The following NOS1AP variants were observed in gnomAD, a reference collection of about 807,000 sequenced individuals.
The protein encoded by NOS1AP is nitric oxide synthase 1 adaptor protein.
A neutral mutation model predicts 56.2 loss-of-function variants in NOS1AP; 21 were observed. The ratio of observed to expected loss-of-function variants is 0.37; its 90% confidence interval spans 0.26 to 0.54. NOS1AP has a LOEUF of 0.54. Ranked by LOEUF, NOS1AP falls within the 20% of genes least tolerant of loss-of-function variation. The probability of loss-of-function intolerance (pLI) is 0.84; values close to 1 mark genes in which losing one functional copy is unlikely to be tolerated. For synonymous variants in NOS1AP, 270 were observed against 274.6 expected (o/e 0.98, Z 0.17); for missense variants, 522 against 657.8 (o/e 0.79, Z 2.26).
chr1:162,285,612 A>G (rs1655064727), intron 2 of NOS1AP, among the ~76,000 whole-genome samples: 1 of 152,060 alleles, frequency 6.6e-6, no homozygotes, highest in Admixed American at 6.5e-5. Flanking sequence ...TGCAAAAAAA[A>G]AATCCTGTCA....
chr1:162,214,737 C>T (rs1237335900), intron 2 of NOS1AP, among the ~76,000 whole-genome samples: 2 of 152,050 alleles, frequency 1.3e-5, no homozygotes, highest in Non-Finnish European at 2.9e-5. Context: ...TGAATCACTT[C>T]ACAGAACTAC....
chr1:162,187,940 A>T (rs533052921), intron 2 of NOS1AP, among the ~76,000 whole-genome samples: 1 of 152,312 alleles, frequency 6.6e-6, no homozygotes, highest in East Asian at 1.9e-4. Flanking sequence ...CAGAAATAAG[A>T]GAGCATTTTG....
Position 162,336,662 on chromosome 1 carries a change from G to A in NOS1AP, c.453+3537G>A, listed in dbSNP as rs572312624. Among the ~76,000 whole-genome samples, 3 of 152,334 alleles carry A rather than the reference G, an allele frequency of 2.0e-5. No individual in the cohort carries two copies. The South Asian group carries it at 6.2e-4, about 32-fold the overall frequency. ...TGAATCAATGATGCCACTGAAATTA[G>A]AAACAGGCTTCCTCCTTCTCAGGCC... On this transcript the variant is annotated intron_variant, in intron 5 of 9. Coordinates refer to ENST00000361897, the MANE Select transcript of NOS1AP (RefSeq NM_014697.3).
chr1:162,356,870 T>C (rs1476935131), intron 7 of NOS1AP, 90 bp from the exon 8 acceptor site: 63 of 1,607,678 alleles, frequency 3.9e-5, no homozygotes, highest in Non-Finnish European at 5.1e-5. Flanking sequence ...GTGTGCCAAT[T>C]TGCTCCTCCT....
At chr1:162,165,304 A>G (rs553961978) in intron 2 of NOS1AP, among the ~76,000 whole-genome samples, 1 of 152,298 alleles carries the variant, frequency 6.6e-6, no homozygotes, top group South Asian at 2.1e-4. Flanking sequence ...CTGGGTAACA[A>G]GAGCGAAACT....
intron 2 of NOS1AP, among the ~76,000 whole-genome samples, chr1:162,281,062 C>T (rs927874747): frequency 6.6e-6 from 1 of 152,186 alleles, no homozygotes; most frequent in African/African-American, 2.4e-5. Context: ...ACCATCCCCC[C>T]AATCATTACT....
At chr1:162,139,537 G>A (rs1479480962) in intron 1 of NOS1AP, among the ~76,000 whole-genome samples, 1 of 152,184 alleles carries the variant, frequency 6.6e-6, no homozygotes, top group African/African-American at 2.4e-5. Context: ...TATGGAGGGA[G>A]TGTTGAAAAG....
rs1265594333 is a variant in NOS1AP, at chr1:162,369,318, A to T, written c.*1851A>T. On this transcript the variant is annotated 3_prime_UTR_variant, in exon 10 of 10. Transcript: ENST00000361897. ...TTACACAGAGAAGGAAGAACCAGGA[A>T]AGTGAGATCCATGAAACTAAATGAG... 4 of 152,220 alleles carry T rather than the reference A, an allele frequency of 2.6e-5. No individual in the cohort carries two copies. The highest frequency in any genetic ancestry group is 9.6e-5 in the African/African-American group (4 of 41,452). 9.4% of individuals were successfully genotyped at this position (152,220 alleles called of 1,614,324 possible).
At chr1:162,108,386 A>G (rs914643504) in intron 1 of NOS1AP, among the ~76,000 whole-genome samples, 1 of 152,168 alleles carries the variant, frequency 6.6e-6, no homozygotes, top group African/African-American at 2.4e-5. Flanking sequence ...TAAATACATG[A>G]GTTTGTAGTG....
At chr1:162,083,423 T>G (rs1033513492) in intron 1 of NOS1AP, among the ~76,000 whole-genome samples, 2 of 152,200 alleles carry the variant, frequency 1.3e-5, no homozygotes, top group Non-Finnish European at 2.9e-5. Context: ...TTTTTTTATT[T>G]GGAGACAGGG....
At chr1:162,229,559 A>G (rs1653051839) in intron 2 of NOS1AP, among the ~76,000 whole-genome samples, 1 of 151,558 alleles carries the variant, frequency 6.6e-6, no homozygotes, top group African/African-American at 2.4e-5. Flanking sequence ...TTTCTGTTTC[A>G]CCTGTTCCTG....
chr1:162,072,303 T>A (rs1691677357), intron 1 of NOS1AP, among the ~76,000 whole-genome samples: 1 of 152,156 alleles, frequency 6.6e-6, no homozygotes, highest in Non-Finnish European at 1.5e-5. Context: ...TCCAGTTGAT[T>A]TAATGCAGGT....
chr1:162,341,715 C>G (rs1394801042), intron 5 of NOS1AP, among the ~76,000 whole-genome samples: 1 of 152,156 alleles, frequency 6.6e-6, no homozygotes, highest in Non-Finnish European at 1.5e-5. Context: ...GCAGTCTGCT[C>G]TTACTCTCAT....
At chr1:162,332,052 T>G (rs1441470713) in intron 4 of NOS1AP, among the ~76,000 whole-genome samples, 2 of 152,216 alleles carry the variant, frequency 1.3e-5, no homozygotes, top group African/African-American at 4.8e-5. Flanking sequence ...GCCTTCTACA[T>G]TTTGGCCTCT....
At chr1:162,349,769 A>G (rs988375688) in intron 6 of NOS1AP, among the ~76,000 whole-genome samples, 8 of 152,336 alleles carry the variant, frequency 5.3e-5, no homozygotes, top group Admixed American at 5.2e-4. Flanking sequence ...AGGCCTCTCC[A>G]GTACTGATTT....
rs1473204412 is a variant in NOS1AP, at chr1:162,343,827, C to T, written c.454-8C>T. 2 of 1,614,044 alleles carry T rather than the reference C, an allele frequency of 1.2e-6. No homozygotes were observed. Among genetic ancestry groups the T allele is most frequent in the Admixed American group, 1.7e-5 (1 of 60,008 alleles). On this transcript the variant is annotated splice_region_variant and splice_polypyrimidine_tract_variant and intron_variant, in intron 5 of 9. Transcript: ENST00000361897. ...ACCCATCCTGTTCTTCTCCTTTCTC[C>T]TTCCCAGAGCCAAGCTATGAGAATC...
chr1:162,321,727 A>ATATATAT (rs879365955), intron 4 of NOS1AP, among the ~76,000 whole-genome samples: 1 of 130,528 alleles, frequency 7.7e-6, no homozygotes, highest in African/African-American at 3.2e-5. Context: ...ATTAAAAAAA[A>ATATATAT]AAAAATATAT....
intron 1 of NOS1AP, among the ~76,000 whole-genome samples, chr1:162,152,362 A>G (rs910810202): frequency 3.9e-5 from 6 of 152,200 alleles, no homozygotes; most frequent in Non-Finnish European, 5.9e-5. Context: ...CTGACTGCAC[A>G]GCATTCAGGG....
intron 2 of NOS1AP, among the ~76,000 whole-genome samples, chr1:162,184,439 C>T (rs1414381735): frequency 2.0e-5 from 3 of 152,074 alleles, no homozygotes; most frequent in African/African-American, 2.4e-5. Context: ...ACAGGGTTGC[C>T]GCAAACCTTT....
Sources: allele counts gnomAD v4.1 joint callset (sites outside exome capture counted in the v4.1 genomes callset), GRCh38; gene constraint gnomAD v4.1.1; transcripts MANE v1.5; gene names NCBI Gene and HGNC (gene_info 2026-07-23, HGNC 2026-07-21).